The following KCNMA1 variants were observed in gnomAD, a reference collection of about 807,000 sequenced individuals.
The protein encoded by KCNMA1 is Calcium-activated potassium channel subunit alpha-1.
KCNMA1 carries 29 observed loss-of-function variants against 140.0 expected under a neutral mutation model. That is an observed-to-expected ratio of 0.21 (90% CI 0.15 to 0.28). The LOEUF is 0.28. Ranked by LOEUF, KCNMA1 falls within the 10% of genes least tolerant of loss-of-function variation. The probability of loss-of-function intolerance (pLI) is 1.00; values close to 1 mark genes in which losing one functional copy is unlikely to be tolerated. For missense variants in KCNMA1, 880 were observed against 1,602.2 expected, an observed-to-expected ratio of 0.55 and a Z score of 7.70; for synonymous variants, 612 against 611.9, an observed-to-expected ratio of 1.00 and a Z score of 0.00.
At chr10:76,935,605 T>C (rs1050040014) in intron 23 of KCNMA1, among the ~76,000 whole-genome samples, 6 of 152,148 alleles carry the variant, frequency 3.9e-5, no homozygotes, top group Non-Finnish European at 7.4e-5. Context: ...GTCTGGTGTA[T>C]GGCTCACCTG....
At chr10:77,573,611 T>C (rs558714012) in intron 1 of KCNMA1, among the ~76,000 whole-genome samples, 1 of 87,722 alleles carries the variant, frequency 1.1e-5, no homozygotes, top group Admixed American at 1.2e-4. Flanking sequence ...TTTAAGAAAA[T>C]GGAATGGAAT....
At chr10:77,530,039 T>C (rs961435465) in intron 1 of KCNMA1, among the ~76,000 whole-genome samples, 1 of 152,242 alleles carries the variant, frequency 6.6e-6, no homozygotes, top group Admixed American at 6.5e-5. Flanking sequence ...ACCACAGGCA[T>C]CTGAGGCCAA....
intron 1 of KCNMA1, among the ~76,000 whole-genome samples, chr10:77,488,414 C>A (rs940122801): frequency 6.6e-6 from 1 of 152,164 alleles, no homozygotes; most frequent in African/African-American, 2.4e-5. Flanking sequence ...GGCTGCCGGA[C>A]CCTGAGCACT....
At chr10:77,578,983 T>C (rs1169992101) in intron 1 of KCNMA1, among the ~76,000 whole-genome samples, 2 of 152,248 alleles carry the variant, frequency 1.3e-5, no homozygotes, top group African/African-American at 2.4e-5. Context: ...CCTTTCTCTG[T>C]GCTGAGCGCC....
At chr10:77,541,526 C>T (rs771983674) in intron 1 of KCNMA1, among the ~76,000 whole-genome samples, 4 of 152,096 alleles carry the variant, frequency 2.6e-5, no homozygotes, top group Non-Finnish European at 5.9e-5. Context: ...AAAGGACCCA[C>T]ACTTGGATTT....
intron 14 of KCNMA1, among the ~76,000 whole-genome samples, chr10:77,044,507 A>C (rs971907866): frequency 1.3e-5 from 2 of 152,018 alleles, no homozygotes; most frequent in African/African-American, 4.8e-5. Flanking sequence ...AAATTTGCCA[A>C]GTGTGGTAGC....
rs138412490 is a variant in KCNMA1, at chr10:77,421,505, T to C, written c.379-17482A>G. 3.9e-3 allele frequency among the ~76,000 whole-genome samples: 600 copies of C among 152,330 alleles called. 3 individuals carry two copies. Among genetic ancestry groups the C allele is most frequent in the African/African-American group, 0.014 (573 of 41,574 alleles). On this transcript the variant is annotated intron_variant, in intron 1 of 27. Transcript: ENST00000286628. ...TTTAGGCTTTAGCATATGGTCTCTG[T>C]TGCAACTATTCAGCTCTGTTGCTGG...
chr10:77,244,820 A>C (rs1053062127), intron 3 of KCNMA1, among the ~76,000 whole-genome samples: 7 of 152,086 alleles, frequency 4.6e-5, no homozygotes, highest in Non-Finnish European at 1.0e-4. Flanking sequence ...AAGACTTCCC[A>C]TTGGAGTTAT....
chr10:77,514,022 C>A (rs182363692), intron 1 of KCNMA1, among the ~76,000 whole-genome samples: 2 of 152,264 alleles, frequency 1.3e-5, no homozygotes, highest in Admixed American at 1.3e-4. Context: ...AGTGCCAGCA[C>A]AGAGCACCAC....
At chr10:77,074,962 T>C (rs949822647) in intron 13 of KCNMA1, among the ~76,000 whole-genome samples, 2 of 152,234 alleles carry the variant, frequency 1.3e-5, no homozygotes, top group African/African-American at 4.8e-5. Flanking sequence ...GAAGACTCCA[T>C]TGTGAAAACA....
intron 1 of KCNMA1, among the ~76,000 whole-genome samples, chr10:77,582,465 G>A (rs549617847): frequency 7.9e-5 from 12 of 152,166 alleles, no homozygotes; most frequent in South Asian, 2.1e-4. Flanking sequence ...TAATGCAAGC[G>A]GGGCTTAAAA....
chr10:77,068,369 C>A (rs922050542), intron 14 of KCNMA1, among the ~76,000 whole-genome samples: 2 of 152,056 alleles, frequency 1.3e-5, no homozygotes, highest in African/African-American at 4.8e-5. Context: ...ATAAACATAA[C>A]CCAGACTAAA....
chr10:77,177,241 T>TCTTCCTTCCTTCCTTTCTTC (rs1565006787), intron 5 of KCNMA1, among the ~76,000 whole-genome samples: 4 of 152,046 alleles, frequency 2.6e-5, no homozygotes, highest in African/African-American at 4.8e-5. Context: ...CCTCTCTCTT[T>TCTTCCTTCCTTCCTTTCTTC]CTTCCTTCCT....
At chr10:77,174,253 C>G (rs539597417) in intron 5 of KCNMA1, among the ~76,000 whole-genome samples, 1 of 152,290 alleles carries the variant, frequency 6.6e-6, no homozygotes, top group South Asian at 2.1e-4. Context: ...CATGATTTCT[C>G]TAGCATTTCT....
intron 27 of KCNMA1, among the ~76,000 whole-genome samples, chr10:76,889,128 C>G (rs1387117172): frequency 6.6e-6 from 1 of 152,136 alleles, no homozygotes; most frequent in Non-Finnish European, 1.5e-5. Flanking sequence ...TAAAATATCT[C>G]TATATTAGGT....
intron 2 of KCNMA1, among the ~76,000 whole-genome samples, chr10:77,357,539 C>T (rs1249589939): frequency 3.3e-5 from 5 of 152,188 alleles, no homozygotes; most frequent in Admixed American, 3.3e-4. Context: ...CCCCTGGTTC[C>T]TCTCTAGCTG....
chr10:77,396,296 C>A (rs2096053481), intron 2 of KCNMA1, among the ~76,000 whole-genome samples: 1 of 151,882 alleles, frequency 6.6e-6, no homozygotes, highest in South Asian at 2.1e-4. Context: ...ATAATAAAAG[C>A]TGGGGCATAG....
At chr10:77,272,569 T>G (rs1193715776) in intron 2 of KCNMA1, among the ~76,000 whole-genome samples, 1 of 152,154 alleles carries the variant, frequency 6.6e-6, no homozygotes, top group Non-Finnish European at 1.5e-5. Context: ...GCACAAATCT[T>G]AAATTAATTT....
intron 2 of KCNMA1, among the ~76,000 whole-genome samples, chr10:77,401,251 G>C (rs912509374): frequency 7.2e-5 from 11 of 152,030 alleles, no homozygotes; most frequent in African/African-American, 2.4e-4. Context: ...CCGCCTCCTG[G>C]GTCCGTGCCA....
Sources: gnomAD v4.1 joint callset for allele counts (sites outside exome capture counted in the v4.1 genomes callset) on GRCh38, gnomAD v4.1.1 for gene constraint, MANE v1.5 for transcripts, NCBI Gene and HGNC (gene_info 2026-07-23, HGNC 2026-07-21) for gene names.